Variants in GABRG3 observed in about 807,000 individuals in gnomAD.
The protein encoded by GABRG3 is gamma-aminobutyric acid type A receptor subunit gamma3.
In GABRG3, 25 loss-of-function variants were observed where a neutral mutation model predicts 48.8. The ratio of observed to expected loss-of-function variants is 0.51; its 90% CI spans 0.37 to 0.72. The LOEUF is 0.72. Among genes scored for constraint, GABRG3 ranks in the 30% least tolerant of loss-of-function variants. GABRG3 has a pLI of 0.00. For synonymous variants in GABRG3, 227 were observed against 217.6 expected (o/e 1.04, Z -0.38); for missense variants, 394 against 577.9 (o/e 0.68, Z 3.26).
intron 5 of GABRG3, among the ~76,000 whole-genome samples, chr15:27,455,042 GCT>G (rs1397989275): frequency 1.3e-5 from 2 of 152,186 alleles, no homozygotes; most frequent in Admixed American, 1.3e-4. Context: ...TCTTAAGGTA[GCT>G]CAGTAAACAT....
At chr15:27,511,301 TGA>T (rs1014084349) in intron 6 of GABRG3, among the ~76,000 whole-genome samples, 14 of 152,178 alleles carry the variant, frequency 9.2e-5, no homozygotes, top group African/African-American at 3.1e-4. Context: ...TATATGTGTG[TGA>T]GAGCTGGCTG....
chr15:27,060,115 G>T (rs1213240821), intron 3 of GABRG3, among the ~76,000 whole-genome samples: 2 of 152,170 alleles, frequency 1.3e-5, no homozygotes, highest in Non-Finnish European at 2.9e-5. Context: ...GACAGTAAGG[G>T]GAGTTTAAAA....
chr15:27,523,475 C>T (rs888926754), intron 7 of GABRG3, among the ~76,000 whole-genome samples: 2 of 151,492 alleles, frequency 1.3e-5, no homozygotes, highest in South Asian at 4.2e-4. Context: ...TAAAATTATA[C>T]CAGAAATGTC....
At chr15:27,139,166 G>A (rs8028141) in intron 3 of GABRG3, among the ~76,000 whole-genome samples, 3,490 of 152,236 alleles carry the variant, frequency 0.023, 155 homozygotes, top group African/African-American at 0.081. Context: ...GGGGAGGCCC[G>A]GAGCATGGCT....
chr15:26,977,802 A>T (rs1595451704), intron 2 of GABRG3, among the ~76,000 whole-genome samples: 2 of 152,312 alleles, frequency 1.3e-5, no homozygotes, highest in East Asian at 3.9e-4. Context: ...ACAGGTTTCT[A>T]TGTGAGCATA....
chr15:27,210,405 A>G (rs1356194716), intron 3 of GABRG3, among the ~76,000 whole-genome samples: 1 of 152,228 alleles, frequency 6.6e-6, no homozygotes, highest in Non-Finnish European at 1.5e-5. Flanking sequence ...TCAAGGGCAT[A>G]TCCTGCTATT....
intron 5 of GABRG3, among the ~76,000 whole-genome samples, chr15:27,372,804 C>T (rs1250673144): frequency 1.3e-5 from 2 of 152,204 alleles, no homozygotes; most frequent in Admixed American, 1.3e-4. Context: ...TTCATACTCA[C>T]TTCCCTCCTG....
intron 5 of GABRG3, among the ~76,000 whole-genome samples, chr15:27,452,322 G>T (rs1889135500): frequency 1.3e-5 from 2 of 152,112 alleles, no homozygotes; most frequent in South Asian, 2.1e-4. Context: ...ACAGTATGGT[G>T]GTTCCTCAAA....
At chr15:27,489,690 T>C (rs938250031) in intron 6 of GABRG3, among the ~76,000 whole-genome samples, 1 of 152,224 alleles carries the variant, frequency 6.6e-6, no homozygotes, top group African/African-American at 2.4e-5. Flanking sequence ...GAAGTGTCTG[T>C]TCATATCCTT....
chr15:27,530,670 G>A (rs1221046611), intron 9 of GABRG3: 2 of 470,970 alleles, frequency 4.2e-6, no homozygotes, highest in African/African-American at 2.0e-5. Flanking sequence ...GATCTCTGGT[G>A]AGCCATCCCC....
chr15:27,528,341 A>G (rs1056243632), intron 9 of GABRG3, among the ~76,000 whole-genome samples: 1 of 152,236 alleles, frequency 6.6e-6, no homozygotes, highest in South Asian at 2.1e-4. Context: ...ATATGTACTT[A>G]TATGTACTTA....
chr15:27,304,058 G>A (rs958977830), intron 3 of GABRG3, among the ~76,000 whole-genome samples: 3 of 151,736 alleles, frequency 2.0e-5, no homozygotes, highest in Non-Finnish European at 4.4e-5. Context: ...ATAAAAACTC[G>A]CAGCAAACTA....
At chr15:27,518,195 C>CAAAAAAAAAAAAAAAAAAAAA (rs58222645) in intron 6 of GABRG3, among the ~76,000 whole-genome samples, 27 of 88,024 alleles carry the variant, frequency 3.1e-4, no homozygotes, top group African/African-American at 8.5e-4. Context: ...ACTAAAAATA[C>CAAAAAAAAAAAAAAAAAAAAA]AAAAAAAAAA....
At chr15:27,136,451 T>C (rs1040764008) in intron 3 of GABRG3, among the ~76,000 whole-genome samples, 5 of 152,182 alleles carry the variant, frequency 3.3e-5, no homozygotes, top group South Asian at 2.1e-4. Flanking sequence ...GTTTTAACTT[T>C]AGAGGGTGGA....
chr15:27,220,351 T>A (rs899487594), intron 3 of GABRG3, among the ~76,000 whole-genome samples: 1 of 152,174 alleles, frequency 6.6e-6, no homozygotes, highest in East Asian at 1.9e-4. Flanking sequence ...TGTTAAGGGC[T>A]GACCTTAACA....
chr15:27,426,392 C>A (rs544064946), intron 5 of GABRG3, among the ~76,000 whole-genome samples: 14 of 152,214 alleles, frequency 9.2e-5, no homozygotes, highest in Admixed American at 3.3e-4. Flanking sequence ...TTTGCAGAAG[C>A]CTGGTGTCCA....
At chr15:27,035,264 A>C (rs1896156103) in intron 3 of GABRG3, among the ~76,000 whole-genome samples, 1 of 152,224 alleles carries the variant, frequency 6.6e-6, no homozygotes, top group Admixed American at 6.5e-5. Context: ...ATGTCATTAG[A>C]GATGCCACCT....
intron 2 of GABRG3, among the ~76,000 whole-genome samples, chr15:27,026,373 A>G (rs1478208453): frequency 2.6e-5 from 4 of 152,240 alleles, no homozygotes; most frequent in Admixed American, 1.3e-4. Context: ...GTTGAGTTTT[A>G]TAGCAAAACT....
intron 5 of GABRG3, among the ~76,000 whole-genome samples, chr15:27,376,042 G>C (rs1463512571): frequency 6.6e-6 from 1 of 152,196 alleles, no homozygotes; most frequent in Non-Finnish European, 1.5e-5. Context: ...CAGGCATTGG[G>C]TAAATACAGC....
Sources: gnomAD v4.1 joint callset for allele counts (sites outside exome capture counted in the v4.1 genomes callset) on GRCh38, gnomAD v4.1.1 for gene constraint, MANE v1.5 for transcripts, NCBI Gene and HGNC (gene_info 2026-07-23, HGNC 2026-07-21) for gene names.